ADCY7: variants seen among roughly 807,000 people sequenced by gnomAD.
The protein encoded by ADCY7 is adenylate cyclase type 7.
Under a neutral mutation model 120.6 loss-of-function variants are expected in ADCY7, and 72 were observed. That is an observed-to-expected ratio of 0.60 (90% CI 0.49 to 0.73). The LOEUF is 0.73. Among genes scored for constraint, ADCY7 ranks in the 30% least tolerant of loss-of-function variants. The pLI is 0.00. For missense variants in ADCY7, 1,227 were observed against 1,486.0 expected (o/e 0.83, Z 2.87); for synonymous variants, 661 against 628.0 (o/e 1.05, Z -0.78).
chr16:50,245,786 T>C (rs1373399671), upstream of ADCY7, among the ~76,000 whole-genome samples: 1 of 151,982 alleles, frequency 6.6e-6, no homozygotes, highest in Non-Finnish European at 1.5e-5. Flanking sequence ...TGGAAGAGTT[T>C]GCTAGAAAGT....
upstream of ADCY7, among the ~76,000 whole-genome samples, chr16:50,265,965 G>T (rs2033194849): frequency 6.6e-6 from 1 of 152,232 alleles, no homozygotes; most frequent in Admixed American, 6.5e-5. Flanking sequence ...GGTGCCCAGG[G>T]ATGTTGGGGG....
chr16:50,286,862 C>T (rs1356033403), intron 1 of ADCY7, among the ~76,000 whole-genome samples: 1 of 152,120 alleles, frequency 6.6e-6, no homozygotes, highest in East Asian at 1.9e-4. Context: ...CACACCATAC[C>T]CAGAGTGAAT....
chr16:50,304,347 T>C lies in ADCY7; in HGVS notation c.1369-13T>C, dbSNP rs752290797. 1.3e-6 allele frequency: 2 copies of C among 1,495,892 alleles called. No homozygotes were observed. Among genetic ancestry groups the C allele is most frequent in the East Asian group, 2.4e-5 (1 of 41,954 alleles). 92.7% of individuals were successfully genotyped at this position (1,495,892 alleles called of 1,614,324 possible). On this transcript the variant is annotated splice_polypyrimidine_tract_variant and intron_variant, in intron 10 of 25. Coordinates refer to ENST00000673801, the MANE Select transcript of ADCY7 (RefSeq NM_001114.5). ...AGGAGGTGGCACAGGCCCATGTCCATGTCTGCCCGCAGAGCCAGCAGCCAC... is the reference window on the plus strand; with the variant it reads ...AGGAGGTGGCACAGGCCCATGTCCACGTCTGCCCGCAGAGCCAGCAGCCAC...
intron 18 of ADCY7, chr16:50,310,310 T>C (rs1443357863): frequency 1.4e-6 from 1 of 717,208 alleles, no homozygotes; most frequent in Non-Finnish European, 2.3e-6. Flanking sequence ...GCGTGGTCTT[T>C]ATTCTGGGGG....
intron 23 of ADCY7, 95 bp from the exon 24 acceptor site, chr16:50,314,197 A>C: frequency 7.1e-7 from 1 of 1,416,564 alleles, no homozygotes; most frequent in Non-Finnish European, 9.9e-7. Context: ...CCAGGATTTT[A>C]GTGGTGGGGA....
chr16:50,248,198 G>C (rs1016856476), intron 1 of ADCY7, among the ~76,000 whole-genome samples: 1 of 152,184 alleles, frequency 6.6e-6, no homozygotes, highest in Non-Finnish European at 1.5e-5. Flanking sequence ...CCGACCACGG[G>C]CAGCACACAT....
chr16:50,272,835 GGGA>G (rs1171517515), intron 1 of ADCY7, among the ~76,000 whole-genome samples: 5 of 152,180 alleles, frequency 3.3e-5, no homozygotes, highest in African/African-American at 1.2e-4. Context: ...CCCTCTGGCT[GGGA>G]GGAGGAGCCC....
chr16:50,305,985 C>T (rs2036039753), intron 14 of ADCY7, 136 bp downstream of exon 14: 8 of 840,548 alleles, frequency 9.5e-6, no homozygotes, highest in Non-Finnish European at 1.9e-6. Flanking sequence ...CACAGCTGCT[C>T]CTGGGCGGGG....
In ADCY7 at chr16:50,313,049, G is replaced by A. The variant is rs774839878; in HGVS notation, c.2751+13G>A. The stretch of plus-strand genomic sequence containing the variant: ...CGACTTCGACGAGGTACAGCCTCTA[G>A]CCCAGCCTTGCGCAGCAGCCCCCAC... On this transcript the variant is annotated intron_variant, in intron 22 of 25. Transcript: ENST00000673801. 1.9e-6 allele frequency: 3 copies of A among 1,613,778 alleles called. No individual in the cohort carries two copies. Among genetic ancestry groups the A allele is most frequent in the South Asian group, 1.1e-5 (1 of 91,076 alleles).
At position 50,252,487 on chromosome 16, in the gene ADCY7, A is replaced by G. The variant is rs892101453; in HGVS notation, c.-64+6284A>G. Among the ~76,000 whole-genome samples the G allele has an allele frequency of 3.9e-5, 6 of 152,258 alleles. No homozygotes were observed. The East Asian group carries it at 9.7e-4, about 25-fold the overall frequency. On this transcript the variant is annotated intron_variant, in intron 1 of 4. Transcript: ENST00000564044. ...GCAGGCATTGTTTGTGTGCCTGGGT[A>G]GGCATTGTTTGTGTGCCTGGGTAGG...
At chr16:50,304,023 C>T (rs537855983) in intron 10 of ADCY7, among the ~76,000 whole-genome samples, 283 of 152,064 alleles carry the variant, frequency 1.9e-3, no homozygotes, top group Non-Finnish European at 3.2e-3. Flanking sequence ...GGCTTGGGAC[C>T]CAAGCCCTGC....
intron 22 of ADCY7, 102 bp from the exon 23 acceptor site, chr16:50,313,856 G>A (rs948159426): frequency 4.1e-5 from 36 of 882,718 alleles, no homozygotes; most frequent in Admixed American, 8.5e-5. Flanking sequence ...TGCGAGAGGC[G>A]GCGATGGGTG....
At chr16:50,267,617 A>G (rs1298505223) in intron 1 of ADCY7, among the ~76,000 whole-genome samples, 2 of 152,004 alleles carry the variant, frequency 1.3e-5, no homozygotes, top group East Asian at 1.9e-4. Flanking sequence ...ACTCAACACC[A>G]GTGTTTCTCG....
chr16:50,249,749 G>A (rs1033622022), intron 1 of ADCY7, among the ~76,000 whole-genome samples: 1 of 152,246 alleles, frequency 6.6e-6, no homozygotes, highest in African/African-American at 2.4e-5. Flanking sequence ...GGCTATGTGG[G>A]GCCCTGCTGG....
Position 50,313,707 on chromosome 16 carries a change from C to T in ADCY7, c.2752-251C>T, listed in dbSNP as rs112355512. ...TCCTGTGTAGATAATGCTGTGTTTG[C>T]TCTGTGCAGACACAGATGGAAGGGA... On this transcript the variant is annotated intron_variant, in intron 22 of 25. Transcript: ENST00000673801. 4.6e-3 allele frequency: 2,165 copies of T among 465,848 alleles called. 38 individuals are homozygous for T. The highest frequency in any genetic ancestry group is 0.038 in the African/African-American group (1,940 of 51,222). The allele number at this position is 465,848 out of a possible 1,614,324, so 28.9% of individuals were successfully genotyped here.
At chr16:50,305,670 C>G in intron 13 of ADCY7, 84 bp downstream of exon 13, 1 of 1,506,634 alleles carries the variant, frequency 6.6e-7, no homozygotes, top group Non-Finnish European at 9.2e-7. Flanking sequence ...ATCTCATACC[C>G]CATGCCTGGT....
At position 50,311,750 on chromosome 16, in the gene ADCY7, C is replaced by T. The variant is rs781085286; in HGVS notation, c.2412C>T (p.Val804=). The T allele has an allele frequency of 6.9e-6, 11 of 1,597,976 alleles. No individual in the cohort carries two copies. The highest frequency in any genetic ancestry group is 1.7e-5 in the Admixed American group (1 of 58,740). Reference sequence around the variant, plus strand: ...AGACCATGACCAATTTCTACCTGGTCCTGTTCTACATCACCCTGCTTACAC... The same window carrying T: ...AGACCATGACCAATTTCTACCTGGTTCTGTTCTACATCACCCTGCTTACAC... The part of the protein sequence containing the change: ...DLKTMTNFYL[V]LFYITLLTLS... The change falls in exon 20 of 26, where the codon GTC becomes GTT. Residue 804 remains valine, a synonymous_variant. Coordinates refer to ENST00000673801, the MANE Select transcript of ADCY7 (RefSeq NM_001114.5).
At position 50,313,041 on chromosome 16, in the gene ADCY7, A is replaced by G. The variant is rs2036572128; in HGVS notation, c.2751+5A>G. 1 of 1,614,090 alleles carries G rather than the reference A, an allele frequency of 6.2e-7. No homozygotes were observed. Among genetic ancestry groups the G allele is most frequent in the Non-Finnish European group, 8.5e-7 (1 of 1,179,964 alleles). On this transcript the variant is annotated splice_donor_5th_base_variant and intron_variant, in intron 22 of 25. Coordinates refer to ENST00000673801, the MANE Select transcript of ADCY7 (RefSeq NM_001114.5). ...ATCATTGCCGACTTCGACGAGGTAC[A>G]GCCTCTAGCCCAGCCTTGCGCAGCA...
Position 50,291,911 on chromosome 16 carries a change from TAAGGCCTCTGGGGG to T in ADCY7, c.537+16_537+29del. 4 of 1,597,080 alleles carry T rather than the reference TAAGGCCTCTGGGGG, an allele frequency of 2.5e-6. No homozygotes were observed. The South Asian group carries it at 4.5e-5, about 18-fold the overall frequency. ...GTGGGGCTGCAGGTGAGGGATGGGC[TAAGGCCTCTGGGGG>T]AGGTTTTGTGGTCTGGGTCTAAGGG... On this transcript the variant is annotated intron_variant, in intron 4 of 25. Transcript: ENST00000673801.
Sources: gnomAD v4.1 joint callset for allele counts (sites outside exome capture counted in the v4.1 genomes callset) on GRCh38, gnomAD v4.1.1 for gene constraint, MANE v1.5 for transcripts, NCBI Gene and HGNC (gene_info 2026-07-23, HGNC 2026-07-21) for gene names.